PCDHA6: variants seen among roughly 807,000 people sequenced by gnomAD.
PCDHA6 encodes protocadherin alpha-6.
A neutral mutation model predicts 60.3 loss-of-function variants in PCDHA6; 55 were observed. The observed-to-expected ratio is 0.91, with a 90% CI of 0.73 to 1.14. The LOEUF (loss-of-function observed/expected upper bound fraction) is 1.14, where lower values mean the gene tolerates loss of function less well. Ranked by LOEUF, PCDHA6 falls within the 50% of genes most tolerant of loss-of-function variation. The pLI is 0.00. For missense variants in PCDHA6, 1,327 were observed against 1,256.5 expected (o/e 1.06, Z -0.85); for synonymous variants, 652 against 557.9 (o/e 1.17, Z -2.38).
At chr5:140,946,871 A>G (rs952595827) in intron 1 of PCDHA6, among the ~76,000 whole-genome samples, 8 of 151,442 alleles carry the variant, frequency 5.3e-5, no homozygotes, top group Non-Finnish European at 8.9e-5. Flanking sequence ...AGGTTGGTCA[A>G]TGGGTACGAA....
intron 1 of PCDHA6, chr5:140,967,492 G>T (rs1554229617): frequency 3.1e-6 from 5 of 1,613,380 alleles, no homozygotes; most frequent in Non-Finnish European, 4.2e-6. Flanking sequence ...GTACGGCACA[G>T]ATCTCTGTGC....
intron 2 of PCDHA6, among the ~76,000 whole-genome samples, chr5:140,979,920 C>T (rs1554241253): frequency 6.6e-6 from 1 of 152,206 alleles, no homozygotes; most frequent in Non-Finnish European, 1.5e-5. Flanking sequence ...AAGAGAAAGC[C>T]TACAAAGTAT....
At chr5:141,005,632 G>C (rs2098225457) in intron 3 of PCDHA6, among the ~76,000 whole-genome samples, 2 of 148,162 alleles carry the variant, frequency 1.3e-5, no homozygotes, top group Non-Finnish European at 3.0e-5. Context: ...AACCCGGGAG[G>C]CGGAGCTTGC....
rs2150151779 is a variant in PCDHA6, at chr5:140,828,170, G to A, written c.79G>A (p.Gly27Arg). 3 of 1,614,168 alleles carry A rather than the reference G, an allele frequency of 1.9e-6. 1 individual carries two copies. The Admixed American group carries it at 5.0e-5, about 27-fold the overall frequency. ...TCTGCTCCTCGCAGCCTGGAAGGTGGGGAGCGGCCAGCTCCACTACTCCGT... is the reference window on the plus strand; with the variant it reads ...TCTGCTCCTCGCAGCCTGGAAGGTGAGGAGCGGCCAGCTCCACTACTCCGT... The part of the protein sequence containing the change: ...PLLLLAAWKV[G>R]SGQLHYSVPE... Residue 27 changes from glycine to arginine, a missense_variant, in exon 1 of 4, where the codon GGG becomes AGG. Transcript: ENST00000529310.
At chr5:140,966,447 C>G (rs373859357) in intron 1 of PCDHA6, 3 of 425,206 alleles carry the variant, frequency 7.1e-6, no homozygotes, top group Non-Finnish European at 8.2e-6. Flanking sequence ...CTCCCTTTCC[C>G]CCTCCCCCTC....
chr5:140,962,329 T>A (rs1341757607), intron 1 of PCDHA6, among the ~76,000 whole-genome samples: 1 of 152,250 alleles, frequency 6.6e-6, no homozygotes, highest in Non-Finnish European at 1.5e-5. Context: ...TTGAGAATAC[T>A]GATAAAGAAG....
At chr5:140,908,662 G>C (rs1489476593) in intron 1 of PCDHA6, among the ~76,000 whole-genome samples, 4 of 152,114 alleles carry the variant, frequency 2.6e-5, no homozygotes, top group Non-Finnish European at 4.4e-5. Context: ...CCTGCCAAAG[G>C]CTCCAAATAG....
At chr5:140,948,527 A>G (rs902965857) in intron 1 of PCDHA6, among the ~76,000 whole-genome samples, 7 of 151,560 alleles carry the variant, frequency 4.6e-5, no homozygotes, top group Non-Finnish European at 8.9e-5. Context: ...CACTATTTAT[A>G]TTTTATTTCA....
chr5:140,885,870 A>T (rs1302417773), intron 1 of PCDHA6, among the ~76,000 whole-genome samples: 1 of 152,162 alleles, frequency 6.6e-6, no homozygotes, highest in African/African-American at 2.4e-5. Context: ...TATTGAAAAA[A>T]AATTTTTAGT....
chr5:140,927,171 C>G (rs1554204119), intron 1 of PCDHA6: 5 of 1,614,164 alleles, frequency 3.1e-6, no homozygotes. Context: ...AAGCTGCCTG[C>G]GTCTTGACCT....
intron 1 of PCDHA6, among the ~76,000 whole-genome samples, chr5:140,898,932 A>G (rs1330684874): frequency 6.6e-6 from 1 of 151,964 alleles, no homozygotes; most frequent in Admixed American, 6.6e-5. Flanking sequence ...ATTCCTAAGT[A>G]TTTTATTCTC....
intron 1 of PCDHA6, among the ~76,000 whole-genome samples, chr5:140,840,883 G>A (rs1212935487): frequency 2.6e-5 from 4 of 151,906 alleles, no homozygotes; most frequent in Non-Finnish European, 5.9e-5. Context: ...TTACATTTCT[G>A]ATATCCATGA....
At chr5:140,855,460 A>T (rs2150336256) in intron 1 of PCDHA6, among the ~76,000 whole-genome samples, 1 of 150,080 alleles carries the variant, frequency 6.7e-6, no homozygotes, top group African/African-American at 2.4e-5. Context: ...TAAACACCTC[A>T]CAGATAGTTG....
At position 141,011,472 on chromosome 5, in the gene PCDHA6, C is replaced by T. The variant is rs1347341869; in HGVS notation, c.*1535C>T. 40 of 153,652 alleles carry T rather than the reference C, an allele frequency of 2.6e-4. No individual in the cohort carries two copies. The highest frequency in any genetic ancestry group is 9.4e-4 in the African/African-American group (39 of 41,410). 9.5% of individuals were successfully genotyped at this position (153,652 alleles called of 1,614,324 possible). On this transcript the variant is annotated 3_prime_UTR_variant, in exon 4 of 4. Transcript: ENST00000529310. Reference sequence around the variant, plus strand: ...TAAGCTTTATTGTTGAATGTAATTCCATTATATTTCCTTTTGTACACCTGT... The same window carrying T: ...TAAGCTTTATTGTTGAATGTAATTCTATTATATTTCCTTTTGTACACCTGT...
chr5:140,851,635 T>C (rs2042114429), intron 1 of PCDHA6: 8 of 917,242 alleles, frequency 8.7e-6, no homozygotes, highest in Non-Finnish European at 1.1e-5. Flanking sequence ...AACAAGTGTT[T>C]CCTTTCTTCA....
At chr5:140,868,887 G>A in intron 1 of PCDHA6, 1 of 740,170 alleles carries the variant, frequency 1.4e-6, no homozygotes, top group Admixed American at 3.1e-5. Context: ...CACAGTTTTA[G>A]GCGCAAGGTG....
Position 140,856,096 on chromosome 5 carries a change from G to C in PCDHA6, c.2394+25611G>C, listed in dbSNP as rs1031755500. The C allele has an allele frequency of 1.1e-5, 17 of 1,597,460 alleles. 1 individual carries two copies. The Admixed American group carries it at 2.5e-4, about 24-fold the overall frequency. On this transcript the variant is annotated intron_variant, in intron 1 of 3. Coordinates refer to ENST00000529310, the MANE Select transcript of PCDHA6 (RefSeq NM_018909.4). Reference sequence around the variant, plus strand: ...TGGGGGTCCAGTGTCTGCTGCTCTCGCTTCTTCTCCTCGCAGCCTGGGAGG... The same window carrying C: ...TGGGGGTCCAGTGTCTGCTGCTCTCCCTTCTTCTCCTCGCAGCCTGGGAGG...
intron 1 of PCDHA6, among the ~76,000 whole-genome samples, chr5:140,922,915 A>G (rs1184691604): frequency 6.6e-6 from 1 of 152,224 alleles, no homozygotes; most frequent in Non-Finnish European, 1.5e-5. Context: ...ATACAAATAA[A>G]CTTCAGACTT....
intron 1 of PCDHA6, chr5:140,858,764 G>A: frequency 4.4e-6 from 2 of 451,976 alleles, no homozygotes; most frequent in South Asian, 5.7e-5. Context: ...ACAAATATTT[G>A]TGAGATTAGT....
Sources: gnomAD v4.1 joint callset for allele counts (sites outside exome capture counted in the v4.1 genomes callset) on GRCh38, gnomAD v4.1.1 for gene constraint, MANE v1.5 for transcripts, NCBI Gene and HGNC (gene_info 2026-07-23, HGNC 2026-07-21) for gene names.